ZFC3H1: variants seen among roughly 807,000 people sequenced by gnomAD.
ZFC3H1 encodes the protein zinc finger C3H1 domain-containing protein.
Under a neutral mutation model 243.7 loss-of-function variants are expected in ZFC3H1, and 71 were observed. That is an observed-to-expected ratio of 0.29 (90% CI 0.24 to 0.36). The LOEUF is 0.36. Among genes scored for constraint, ZFC3H1 ranks in the 10% least tolerant of loss-of-function variants. The pLI is 1.00. For missense variants in ZFC3H1, 1,966 were observed against 2,317.1 expected (o/e 0.85, Z 3.11); for synonymous variants, 838 against 813.0 (o/e 1.03, Z -0.52).
chr12:71,661,442 C>A (rs1223237499), intron 1 of ZFC3H1, among the ~76,000 whole-genome samples: 1 of 151,410 alleles, frequency 6.6e-6, no homozygotes. Context: ...TTGGAAGAAC[C>A]ATTTGCTGGC....
chr12:71,633,268 T>C lies in ZFC3H1; in HGVS notation c.2681A>G (p.Glu894Gly). The C allele has an allele frequency of 5.1e-6, 8 of 1,576,636 alleles. No individual in the cohort carries two copies. Among genetic ancestry groups the C allele is most frequent in the Non-Finnish European group, 6.9e-6 (8 of 1,167,332 alleles). Residue 894 changes from glutamate (E) to glycine (G), a missense_variant, in exon 13 of 35, where the codon GAA becomes GGA. This residue lies in a region of ZFC3H1 where 1,383 missense variants were observed against 1,723.7 expected (regional missense o/e 0.80). Coordinates refer to ENST00000378743, the MANE Select transcript of ZFC3H1 (RefSeq NM_144982.5). Reference sequence around the variant, plus strand: ...ACAGTATTTTAAAATAATTACTTGTTCCTGAAGCTTCTTCAAAAACATTCT... The same window carrying C: ...ACAGTATTTTAAAATAATTACTTGTCCCTGAAGCTTCTTCAAAAACATTCT... ...VNRMFLKKLQ[E>G]QIHRVQQRVT...
chr12:71,639,122 G>C (rs1280118034), intron 6 of ZFC3H1, among the ~76,000 whole-genome samples: 2 of 152,236 alleles, frequency 1.3e-5, no homozygotes, highest in African/African-American at 4.8e-5. Context: ...CTTGGTAGCA[G>C]ATAAAAATAA....
chr12:71,627,989 A>G (rs1391406919), intron 20 of ZFC3H1, 55 bp from the exon 21 acceptor site: 11 of 1,518,488 alleles, frequency 7.2e-6, no homozygotes, highest in African/African-American at 1.4e-5. Flanking sequence ...CACAGATGCA[A>G]GAAAAAGAAA....
chr12:71,658,900 T>A (rs1402359622), intron 1 of ZFC3H1, among the ~76,000 whole-genome samples: 1 of 152,190 alleles, frequency 6.6e-6, no homozygotes, highest in Non-Finnish European at 1.5e-5. Flanking sequence ...TCTGTCCCAT[T>A]AATCTAGAGA....
chr12:71,660,149 C>T (rs1881127410), intron 1 of ZFC3H1: 1 of 152,154 alleles, frequency 6.6e-6, no homozygotes, highest in African/African-American at 2.4e-5. Flanking sequence ...GAGTAACCTG[C>T]ATTCTTTCTT....
intron 6 of ZFC3H1, among the ~76,000 whole-genome samples, chr12:71,641,093 G>C (rs1880591422): frequency 1.3e-5 from 2 of 152,060 alleles, no homozygotes; most frequent in Admixed American, 1.3e-4. Context: ...CGCTTAGAGA[G>C]TATGTTCTCT....
Position 71,635,473 on chromosome 12 carries a change from G to T in ZFC3H1, c.2208C>A (p.Ser736=). The change falls in exon 10 of 35, where the codon TCC becomes TCA. Residue 736 remains serine, a synonymous_variant. Coordinates refer to ENST00000378743, the MANE Select transcript of ZFC3H1 (RefSeq NM_144982.5). ...CAGTTCGTCTTGCTTCTTTAATCATGGACTCTAATCCACCAAAAACACTAT... is the reference window on the plus strand; with the variant it reads ...CAGTTCGTCTTGCTTCTTTAATCATTGACTCTAATCCACCAAAAACACTAT... The part of the protein sequence containing the change: ...STNSVFGGLE[S]MIKEARRTAE... The T allele has an allele frequency of 6.3e-7, 1 of 1,574,900 alleles. No individual in the cohort carries two copies. Among genetic ancestry groups the T allele is most frequent in the Admixed American group, 2.0e-5 (1 of 50,860 alleles).
chr12:71,621,331 T>A (rs565623206), intron 24 of ZFC3H1, among the ~76,000 whole-genome samples: 1 of 149,548 alleles, frequency 6.7e-6, no homozygotes, highest in Non-Finnish European at 1.5e-5. Flanking sequence ...TGAAATGGAG[T>A]CTTGCTCTGT....
rs756280596 is a variant in ZFC3H1, at chr12:71,615,267, T to C, written c.5194A>G (p.Lys1732Glu). The C allele has an allele frequency of 1.9e-6, 3 of 1,613,490 alleles. No individual in the cohort carries two copies. Among genetic ancestry groups the C allele is most frequent in the Non-Finnish European group, 2.5e-6 (3 of 1,179,790 alleles). ...AACATATCATCATCAAAATTCCCTTTACATAAACGAGATGGAATGTCAATT... is the reference window on the plus strand; with the variant it reads ...AACATATCATCATCAAAATTCCCTTCACATAAACGAGATGGAATGTCAATT... ...GPIDIPSRLC[K>E]GNFDDDMFNH... The change falls in exon 28 of 35, where the codon AAA (lysine) becomes GAA (glutamate). Residue 1732 changes from lysine (K) to glutamate (E), a missense_variant. Physicochemically the swap from Lys to Glu is moderately conservative, Grantham distance 56 (BLOSUM62 1). Around this residue, in one of 4 missense-constraint regions of ZFC3H1, gnomAD observed 1,383 missense variants for 1,723.7 expected, o/e 0.80. Transcript: ENST00000378743.
At chr12:71,639,950 C>T (rs1439072809) in intron 6 of ZFC3H1, among the ~76,000 whole-genome samples, 1 of 152,200 alleles carries the variant, frequency 6.6e-6, no homozygotes, top group Non-Finnish European at 1.5e-5. Context: ...ATTTTTGAGA[C>T]AGAGTCTCAC....
chr12:71,627,725 T>C (rs775514209), intron 21 of ZFC3H1, 26 bp downstream of exon 21: 2 of 1,589,768 alleles, frequency 1.3e-6, no homozygotes, highest in South Asian at 1.1e-5. Context: ...TGCAACTGTT[T>C]ACACAAAGAT....
intron 27 of ZFC3H1, among the ~76,000 whole-genome samples, chr12:71,616,019 G>A (rs1315957974): frequency 1.3e-5 from 2 of 152,200 alleles, no homozygotes; most frequent in African/African-American, 2.4e-5. Flanking sequence ...GCCTGGGGCT[G>A]TGGCTCACAC....
chr12:71,623,322 T>G, intron 24 of ZFC3H1, 38 bp downstream of exon 24: 3 of 1,492,580 alleles, frequency 2.0e-6, no homozygotes, highest in Non-Finnish European at 2.7e-6. Context: ...ACTGATGTTA[T>G]AACAGTTGAT....
At chr12:71,617,772 TG>T (rs1879925269) in intron 27 of ZFC3H1, among the ~76,000 whole-genome samples, 1 of 152,260 alleles carries the variant, frequency 6.6e-6, no homozygotes, top group Non-Finnish European at 1.5e-5. Flanking sequence ...TCTATTAATT[TG>T]CATTTAAAAT....
intron 3 of ZFC3H1, among the ~76,000 whole-genome samples, chr12:71,646,063 A>G (rs1305690318): frequency 1.3e-5 from 2 of 152,220 alleles, no homozygotes; most frequent in African/African-American, 4.8e-5. Flanking sequence ...AATTGTAATT[A>G]TATTTTCTCC....
intron 24 of ZFC3H1, among the ~76,000 whole-genome samples, chr12:71,621,806 C>A (rs188729520): frequency 1.5e-3 from 219 of 146,040 alleles, no homozygotes; most frequent in African/African-American, 5.7e-3. Flanking sequence ...TAATCTTCAA[C>A]CCCCCCGCCT....
chr12:71,631,049 C>T (rs1329228361), intron 16 of ZFC3H1, 95 bp from the exon 17 acceptor site: 1 of 1,279,610 alleles, frequency 7.8e-7, no homozygotes, highest in Non-Finnish European at 1.0e-6. Flanking sequence ...GTTAAAATTT[C>T]CATGCTTACT....
rs551431480 is a variant in ZFC3H1 at position 71,610,071 on chromosome 12, A to G, written c.*357T>C. The G allele has an allele frequency of 1.9e-5, 3 of 159,376 alleles. No individual in the cohort carries two copies. Among genetic ancestry groups the G allele is most frequent in the Non-Finnish European group, 2.7e-5 (2 of 72,894 alleles). The allele number at this position is 159,376 out of a possible 1,614,324, so 9.9% of individuals were successfully genotyped here. On this transcript the variant is annotated 3_prime_UTR_variant, in exon 35 of 35. Coordinates refer to ENST00000378743, the MANE Select transcript of ZFC3H1 (RefSeq NM_144982.5). Reference sequence around the variant, plus strand: ...AACAGGAATCTCTCAGGCATCAGAGAGTGTCAAGTGAGTCAGGAATAACAC... The same window carrying G: ...AACAGGAATCTCTCAGGCATCAGAGGGTGTCAAGTGAGTCAGGAATAACAC...
chr12:71,650,048 C>T (rs1880841786), intron 2 of ZFC3H1, among the ~76,000 whole-genome samples: 1 of 152,036 alleles, frequency 6.6e-6, no homozygotes, highest in African/African-American at 2.4e-5. Flanking sequence ...ATTAGCCAGG[C>T]GTGGTGGCAG....
Sources: gnomAD v4.1 joint callset for allele counts (sites outside exome capture counted in the v4.1 genomes callset) on GRCh38, gnomAD v4.1.1 for gene constraint, gnomAD v4.1.1 regional missense constraint, MANE v1.5 for transcripts, NCBI Gene and HGNC (gene_info 2026-07-23, HGNC 2026-07-21) for gene names.